Variants in IQUB observed in about 807,000 individuals in gnomAD.
IQUB encodes the protein IQ motif and ubiquitin-like domain-containing protein.
In IQUB, 86 loss-of-function variants were observed where a neutral mutation model predicts 86.4. That is an observed-to-expected ratio of 1.00 (90% CI 0.84 to 1.19). The LOEUF (loss-of-function observed/expected upper bound fraction) is 1.19, where lower values mean the gene tolerates loss of function less well. Among genes scored for constraint, IQUB ranks in the 50% most tolerant of loss-of-function variants. The probability of loss-of-function intolerance (pLI) is 0.00; values close to 1 mark genes in which losing one functional copy is unlikely to be tolerated. For missense variants in IQUB, 946 were observed against 916.9 expected (o/e 1.03, Z -0.41); for synonymous variants, 289 against 304.5 (o/e 0.95, Z 0.53).
intron 7 of IQUB, among the ~76,000 whole-genome samples, chr7:123,490,509 A>T (rs1795410265): frequency 6.6e-6 from 1 of 152,078 alleles, no homozygotes; most frequent in African/African-American, 2.4e-5. Flanking sequence ...TTGTAAAAAT[A>T]AAGAAAATTT....
At chr7:123,472,239 A>T (rs1261060045) in intron 8 of IQUB, among the ~76,000 whole-genome samples, 1 of 149,616 alleles carries the variant, frequency 6.7e-6, no homozygotes, top group African/African-American at 2.4e-5. Context: ...CCCCAACTCA[A>T]AAAAAAAAAG....
At chr7:123,495,461 T>C (rs1450865091) in intron 7 of IQUB, among the ~76,000 whole-genome samples, 3 of 151,824 alleles carry the variant, frequency 2.0e-5, no homozygotes, top group Non-Finnish European at 4.4e-5. Flanking sequence ...GAACAGAACA[T>C]ATAACATCCA....
rs570765727 is a variant in IQUB at position 123,506,485 on chromosome 7, G to A, written c.533-3122C>T. 6.6e-5 allele frequency among the ~76,000 whole-genome samples: 10 copies of A among 152,280 alleles called. No homozygotes were observed. In the East Asian group the frequency reaches 1.9e-3, roughly 29 times the overall value. Reference sequence around the variant, plus strand: ...GGGCTGTACAGGAAGCATGGTTGGGGAGGCCTCAGGAAACTTACAATCATG... The same window carrying A: ...GGGCTGTACAGGAAGCATGGTTGGGAAGGCCTCAGGAAACTTACAATCATG... On this transcript the variant is annotated intron_variant, in intron 3 of 12. Transcript: ENST00000324698.
intron 7 of IQUB, among the ~76,000 whole-genome samples, chr7:123,481,134 GT>G (rs924647102): frequency 6.6e-6 from 1 of 152,078 alleles, no homozygotes; most frequent in African/African-American, 2.4e-5. Flanking sequence ...GCTTGAACAG[GT>G]TTAATTTGCC....
chr7:123,527,995 G>A (rs1224958111), intron 1 of IQUB, among the ~76,000 whole-genome samples: 4 of 152,220 alleles, frequency 2.6e-5, no homozygotes, highest in Non-Finnish European at 4.4e-5. Flanking sequence ...CCTCCGAGCC[G>A]GGTGGGGGAT....
intron 7 of IQUB, among the ~76,000 whole-genome samples, chr7:123,484,395 G>C (rs1795132199): frequency 1.3e-5 from 2 of 151,980 alleles, no homozygotes; most frequent in Admixed American, 6.6e-5. Context: ...GAGAAAAATT[G>C]CTGGCTTGCA....
intron 10 of IQUB, among the ~76,000 whole-genome samples, chr7:123,464,487 G>T (rs1794155674): frequency 1.3e-5 from 2 of 151,904 alleles, no homozygotes; most frequent in South Asian, 4.1e-4. Context: ...AAAATGAACA[G>T]GAATTGGCTG....
chr7:123,469,527 AT>A, intron 8 of IQUB, 143 bp from the exon 9 acceptor site: 1 of 460,238 alleles, frequency 2.2e-6, no homozygotes, highest in Non-Finnish European at 3.7e-6. Flanking sequence ...TAATTTAAGA[AT>A]TTGCAGATCA....
chr7:123,497,659 A>C (rs1425408041), intron 6 of IQUB, among the ~76,000 whole-genome samples: 1 of 151,618 alleles, frequency 6.6e-6, no homozygotes, highest in African/African-American at 2.4e-5. Flanking sequence ...GGCCGGATCA[A>C]GACTGATGAT....
At chr7:123,528,474 C>G (rs1462748565) in intron 1 of IQUB, among the ~76,000 whole-genome samples, 1 of 152,182 alleles carries the variant, frequency 6.6e-6, no homozygotes, top group African/African-American at 2.4e-5. Flanking sequence ...GCAATATTTT[C>G]AAGAACCCAG....
intron 1 of IQUB, among the ~76,000 whole-genome samples, chr7:123,515,782 A>G (rs972860739): frequency 6.6e-6 from 1 of 152,232 alleles, no homozygotes; most frequent in Non-Finnish European, 1.5e-5. Context: ...ATATAAAGAC[A>G]AGTGGTACAC....
intron 1 of IQUB, among the ~76,000 whole-genome samples, chr7:123,533,474 GTTGT>G (rs888236711): frequency 3.9e-5 from 6 of 152,156 alleles, no homozygotes; most frequent in African/African-American, 1.4e-4. Flanking sequence ...TATGTTTGAT[GTTGT>G]TTTTCTCTTA....
chr7:123,492,748 C>T (rs1321203925), intron 7 of IQUB, among the ~76,000 whole-genome samples: 1 of 152,104 alleles, frequency 6.6e-6, no homozygotes, highest in East Asian at 1.9e-4. Flanking sequence ...ACCCCACTCT[C>T]CAGGCCTCTC....
At chr7:123,524,476 G>A (rs959327296) in intron 1 of IQUB, among the ~76,000 whole-genome samples, 1 of 149,620 alleles carries the variant, frequency 6.7e-6, no homozygotes, top group African/African-American at 2.4e-5. Flanking sequence ...ATTGTGAATG[G>A]GAGTTCACTC....
chr7:123,527,135 G>A (rs921416030), intron 1 of IQUB, among the ~76,000 whole-genome samples: 5 of 151,946 alleles, frequency 3.3e-5, no homozygotes, highest in Admixed American at 2.0e-4. Flanking sequence ...CATTCTTCAC[G>A]TAGTTCTCGA....
chr7:123,509,078 T>C (rs763137573), intron 3 of IQUB, among the ~76,000 whole-genome samples: 14 of 152,210 alleles, frequency 9.2e-5, no homozygotes, highest in Non-Finnish European at 2.1e-4. Context: ...TTTTTTTAAA[T>C]AATTTGGAAA....
chr7:123,496,555 T>C (rs781406552), intron 7 of IQUB, 141 bp downstream of exon 7: 1 of 552,340 alleles, frequency 1.8e-6, no homozygotes, highest in Non-Finnish European at 3.2e-6. Context: ...AAAGTGGTAT[T>C]CATCTTTCAA....
rs1386691422 is a variant in IQUB at position 123,452,426 on chromosome 7, C to CTGTT, written c.*313_*316dup. Reference sequence around the variant, plus strand: ...TGAAAGTTGTCTAGTTTTTATTTGGCTGTTTGTTAGATTTTAACTCTAATA... The same window carrying CTGTT: ...TGAAAGTTGTCTAGTTTTTATTTGGCTGTTTGTTTGTTAGATTTTAACTCTAATA... On this transcript the variant is annotated 3_prime_UTR_variant, in exon 13 of 13. Coordinates refer to ENST00000324698, the MANE Select transcript of IQUB (RefSeq NM_178827.5). 2.3e-5 allele frequency: 4 copies of CTGTT among 171,354 alleles called. No individual in the cohort carries two copies. The highest frequency in any genetic ancestry group is 2.0e-4 in the South Asian group (1 of 5,052). 10.6% of individuals were successfully genotyped at this position (171,354 alleles called of 1,614,324 possible).
In IQUB at chr7:123,477,637, C is replaced by T. The variant is rs185676773; in HGVS notation, c.1410+2158G>A. On this transcript the variant is annotated intron_variant, in intron 8 of 12. Coordinates refer to ENST00000324698, the MANE Select transcript of IQUB (RefSeq NM_178827.5). ...GCTTCTGCACAGCAAAAGAAACTAC[C>T]ATCAGTGTGAACAGGCAACCTACAG... 3.3e-5 allele frequency among the ~76,000 whole-genome samples: 5 copies of T among 152,208 alleles called. No individual in the cohort carries two copies. The East Asian group carries it at 7.7e-4, about 24-fold the overall frequency.
Sources: gnomAD v4.1 joint callset for allele counts (sites outside exome capture counted in the v4.1 genomes callset) on GRCh38, gnomAD v4.1.1 for gene constraint, MANE v1.5 for transcripts, NCBI Gene and HGNC (gene_info 2026-07-23, HGNC 2026-07-21) for gene names.